Variants in GRIN3A observed in about 807,000 individuals in gnomAD.
GRIN3A encodes glutamate receptor ionotropic, NMDA 3A.
Under a neutral mutation model 92.4 loss-of-function variants are expected in GRIN3A, and 47 were observed. The ratio of observed to expected loss-of-function variants is 0.51; its 90% CI spans 0.40 to 0.65. The LOEUF is 0.65. GRIN3A is among the 30% of genes least tolerant of loss of function. The pLI, the probability that GRIN3A is intolerant of heterozygous loss-of-function variation, is 0.00. For synonymous variants in GRIN3A, 527 were observed against 540.6 expected, an observed-to-expected ratio of 0.97 and a Z score of 0.35; for missense variants, 1,324 against 1,393.1, an observed-to-expected ratio of 0.95 and a Z score of 0.79.
chr9:101,628,610 GACAA>G (rs1197533578), intron 3 of GRIN3A, among the ~76,000 whole-genome samples: 1 of 152,034 alleles, frequency 6.6e-6, no homozygotes, highest in Non-Finnish European at 1.5e-5. Context: ...AGATGGAAAC[GACAA>G]ACAAAAAATA....
At position 101,595,033 on chromosome 9, in the gene GRIN3A, G is replaced by T. The variant is rs1828100620; in HGVS notation, c.2767-15673C>A. On this transcript the variant is annotated intron_variant, in intron 6 of 8. Coordinates refer to ENST00000361820, the MANE Select transcript of GRIN3A (RefSeq NM_133445.3). Reference sequence around the variant, plus strand: ...TTGGGCCATGGGGTGGGGGTAGAGGGCTCCCGGGGGCCCTGGTCGAGCAAA... The same window carrying T: ...TTGGGCCATGGGGTGGGGGTAGAGGTCTCCCGGGGGCCCTGGTCGAGCAAA... 3.0e-5 allele frequency: 39 copies of T among 1,280,768 alleles called. No individual in the cohort carries two copies. In the South Asian group the frequency reaches 5.2e-4, roughly 17 times the overall value. 79.3% of individuals were successfully genotyped at this position (1,280,768 alleles called of 1,614,324 possible).
At chr9:101,710,652 C>T (rs527690666) in intron 1 of GRIN3A, among the ~76,000 whole-genome samples, 8 of 152,142 alleles carry the variant, frequency 5.3e-5, no homozygotes, top group Non-Finnish European at 1.0e-4. Flanking sequence ...AAGGGAGGGA[C>T]GACTGAGAAA....
intron 6 of GRIN3A, among the ~76,000 whole-genome samples, chr9:101,601,696 C>T (rs1406428670): frequency 1.3e-5 from 2 of 152,102 alleles, no homozygotes; most frequent in Non-Finnish European, 2.9e-5. Context: ...TCATCTTTGG[C>T]CTTCCTGACT....
chr9:101,668,313 C>T (rs771310038), intron 3 of GRIN3A, among the ~76,000 whole-genome samples: 16 of 151,950 alleles, frequency 1.1e-4, no homozygotes, highest in African/African-American at 1.2e-4. Context: ...GTATTGTGTT[C>T]ATCTTTTTAC....
At chr9:101,707,803 G>A (rs951126910) in intron 1 of GRIN3A, among the ~76,000 whole-genome samples, 1 of 152,090 alleles carries the variant, frequency 6.6e-6, no homozygotes, top group Non-Finnish European at 1.5e-5. Flanking sequence ...TTCCTTTTTG[G>A]AATACTCCCT....
intron 5 of GRIN3A, 97 bp downstream of exon 5, chr9:101,623,221 A>G: frequency 1.2e-6 from 1 of 804,274 alleles, no homozygotes. Flanking sequence ...GGGAAGATGA[A>G]TAGCTCTTTG....
intron 6 of GRIN3A, among the ~76,000 whole-genome samples, chr9:101,589,882 T>G (rs971319700): frequency 6.6e-6 from 1 of 152,192 alleles, no homozygotes; most frequent in African/African-American, 2.4e-5. Context: ...AGAGTGTAAC[T>G]ATGTTAATTT....
At chr9:101,704,853 G>T (rs1331560408) in intron 1 of GRIN3A, among the ~76,000 whole-genome samples, 5 of 152,128 alleles carry the variant, frequency 3.3e-5, no homozygotes, top group African/African-American at 9.7e-5. Context: ...GTATTTTTAT[G>T]GTATGTGTAT....
At chr9:101,648,431 C>T (rs569801715) in intron 3 of GRIN3A, among the ~76,000 whole-genome samples, 1 of 152,132 alleles carries the variant, frequency 6.6e-6, no homozygotes, top group East Asian at 1.9e-4. Context: ...AATGTGTATT[C>T]TTCAGCTGCT....
intron 6 of GRIN3A, chr9:101,594,604 G>A (rs555766318): frequency 1.9e-6 from 3 of 1,614,224 alleles, no homozygotes; most frequent in Admixed American, 3.3e-5. Flanking sequence ...CGTTGGAAAT[G>A]TAGCCATCTT....
chr9:101,629,101 T>C (rs1181158726), intron 3 of GRIN3A, among the ~76,000 whole-genome samples: 4 of 152,194 alleles, frequency 2.6e-5, no homozygotes, highest in Non-Finnish European at 5.9e-5. Context: ...AAATAAATTA[T>C]ATGGTATATT....
chr9:101,679,045 G>T (rs1829435763), intron 2 of GRIN3A, among the ~76,000 whole-genome samples: 1 of 152,090 alleles, frequency 6.6e-6, no homozygotes, highest in South Asian at 2.1e-4. Flanking sequence ...TTTGGATCTG[G>T]CCCCAGTGCT....
At chr9:101,629,213 A>G (rs1331445056) in intron 3 of GRIN3A, among the ~76,000 whole-genome samples, 1 of 152,172 alleles carries the variant, frequency 6.6e-6, no homozygotes, top group African/African-American at 2.4e-5. Context: ...TTCATATGGT[A>G]TGATCAAAAC....
chr9:101,720,108 G>A (rs1454106921), intron 1 of GRIN3A, among the ~76,000 whole-genome samples: 1 of 152,150 alleles, frequency 6.6e-6, no homozygotes, highest in Non-Finnish European at 1.5e-5. Flanking sequence ...CCATTTAGAA[G>A]TTACAGTTTG....
chr9:101,643,329 G>A (rs142940341), intron 3 of GRIN3A, among the ~76,000 whole-genome samples: 2,495 of 152,168 alleles, frequency 0.016, 77 homozygotes, highest in African/African-American at 0.056. Flanking sequence ...TCAGGAAAAC[G>A]CAAATCAAAA....
At chr9:101,686,266 C>A (rs1829531670) in intron 2 of GRIN3A, among the ~76,000 whole-genome samples, 1 of 152,092 alleles carries the variant, frequency 6.6e-6, no homozygotes, top group African/African-American at 2.4e-5. Context: ...CTATACCAAG[C>A]TATTCATTAT....
At chr9:101,598,447 A>G (rs941339109) in intron 6 of GRIN3A, among the ~76,000 whole-genome samples, 2 of 152,200 alleles carry the variant, frequency 1.3e-5, no homozygotes, top group Non-Finnish European at 2.9e-5. Context: ...GTATTATATT[A>G]TAAGGTAGAA....
intron 2 of GRIN3A, among the ~76,000 whole-genome samples, chr9:101,673,867 A>G (rs1286993714): frequency 6.6e-6 from 1 of 152,092 alleles, no homozygotes; most frequent in Non-Finnish European, 1.5e-5. Flanking sequence ...GGAGAGAGAA[A>G]GTGAGCAGGC....
chr9:101,643,889 G>T (rs919425408), intron 3 of GRIN3A, among the ~76,000 whole-genome samples: 1 of 151,550 alleles, frequency 6.6e-6, no homozygotes, highest in Non-Finnish European at 1.5e-5. Flanking sequence ...TGGTTGCCAG[G>T]GACTGTGGAG....
Sources: gnomAD v4.1 joint callset for allele counts (sites outside exome capture counted in the v4.1 genomes callset) on GRCh38, gnomAD v4.1.1 for gene constraint, MANE v1.5 for transcripts, NCBI Gene and HGNC (gene_info 2026-07-23, HGNC 2026-07-21) for gene names.